Variants in PPP1R12B observed in about 807,000 individuals in gnomAD.
The protein encoded by PPP1R12B is protein phosphatase 1 regulatory subunit 12B.
A neutral mutation model predicts 126.1 loss-of-function variants in PPP1R12B; 76 were observed. That is an observed-to-expected ratio of 0.60 (90% CI 0.50 to 0.73). The LOEUF is 0.73. PPP1R12B is among the 30% of genes least tolerant of loss of function. PPP1R12B has a pLI of 0.00. For missense variants in PPP1R12B, 1,052 were observed against 1,205.1 expected, an observed-to-expected ratio of 0.87 and a Z score of 1.88; for synonymous variants, 356 against 434.7, an observed-to-expected ratio of 0.82 and a Z score of 2.25.
intron 18 of PPP1R12B, among the ~76,000 whole-genome samples, chr1:202,513,432 G>C (rs1348200583): frequency 1.3e-5 from 2 of 152,144 alleles, no homozygotes; most frequent in Non-Finnish European, 2.9e-5. Context: ...GAATATGTTT[G>C]GGGATGAAGA....
chr1:202,532,774 G>GTT (rs935888437), intron 18 of PPP1R12B, among the ~76,000 whole-genome samples: 2 of 124,020 alleles, frequency 1.6e-5, no homozygotes, highest in East Asian at 2.4e-4. Flanking sequence ...AAAAAACTCT[G>GTT]TTTTTTTTTT....
At chr1:202,413,774 A>T (rs1667703674) in intron 1 of PPP1R12B, among the ~76,000 whole-genome samples, 1 of 152,182 alleles carries the variant, frequency 6.6e-6, no homozygotes, top group South Asian at 2.1e-4. Flanking sequence ...GTCTGTATTC[A>T]ATCTGCTGTG....
At position 202,590,989 on chromosome 1, in the gene PPP1R12B, G is replaced by C. The variant is rs1455492418; in HGVS notation, c.*10429G>C. The C allele has an allele frequency of 6.6e-6, 1 of 152,280 alleles. No homozygotes were observed. Among genetic ancestry groups the C allele is most frequent in the Non-Finnish European group, 1.5e-5 (1 of 68,116 alleles). 9.4% of individuals were successfully genotyped at this position (152,280 alleles called of 1,614,324 possible). A position where few individuals can be genotyped will look rare whatever the true frequency, so the allele number is the denominator to read the frequency against. ...GAACTCCTGGTGCCCCATGCACACT[G>C]CTCCCATCACCTCACCAGACAGATG... On this transcript the variant is annotated 3_prime_UTR_variant, in exon 24 of 24. Transcript: ENST00000608999.
chr1:202,526,239 T>G (rs556707992), intron 18 of PPP1R12B, among the ~76,000 whole-genome samples: 1 of 152,190 alleles, frequency 6.6e-6, no homozygotes, highest in Non-Finnish European at 1.5e-5. Context: ...GTGGAAGTTC[T>G]TTTCTGATTG....
chr1:202,418,149 CAG>C (rs1371363667), intron 2 of PPP1R12B, among the ~76,000 whole-genome samples: 1 of 152,244 alleles, frequency 6.6e-6, no homozygotes, highest in African/African-American at 2.4e-5. Flanking sequence ...TGCCTATTTT[CAG>C]AGTCTAACAG....
intron 20 of PPP1R12B, among the ~76,000 whole-genome samples, chr1:202,563,323 C>T (rs971249502): frequency 2.0e-5 from 3 of 152,024 alleles, no homozygotes; most frequent in African/African-American, 7.2e-5. Context: ...CACTATATTG[C>T]CCAGGCTGGT....
chr1:202,439,061 T>G (rs1205643587), intron 10 of PPP1R12B: 70 of 1,393,114 alleles, frequency 5.0e-5, no homozygotes, highest in Non-Finnish European at 7.1e-5. Flanking sequence ...CGCCAACTCC[T>G]ATGACCTTGC....
At chr1:202,516,514 TTC>T (rs1309800388) in intron 18 of PPP1R12B, among the ~76,000 whole-genome samples, 2 of 152,134 alleles carry the variant, frequency 1.3e-5, no homozygotes, top group Non-Finnish European at 2.9e-5. Flanking sequence ...GGATGATATC[TTC>T]TCTTTGTGAC....
chr1:202,415,156 C>T (rs932051891), intron 1 of PPP1R12B, among the ~76,000 whole-genome samples: 1 of 152,122 alleles, frequency 6.6e-6, no homozygotes, highest in African/African-American at 2.4e-5. Flanking sequence ...TCCATTTTCT[C>T]ACACAGAATA....
intron 13 of PPP1R12B, among the ~76,000 whole-genome samples, chr1:202,481,488 GT>G (rs1482280908): frequency 6.6e-6 from 1 of 152,048 alleles, no homozygotes; most frequent in Non-Finnish European, 1.5e-5. Flanking sequence ...TTATGAAAAT[GT>G]AAAACAATGC....
chr1:202,584,424 T>G lies in PPP1R12B; in HGVS notation c.*3864T>G, dbSNP rs190402395. The G allele has an allele frequency of 6.6e-5, 10 of 152,372 alleles. No homozygotes were observed. In the East Asian group the frequency reaches 1.7e-3, roughly 26 times the overall value. 9.4% of individuals were successfully genotyped at this position (152,372 alleles called of 1,614,324 possible). The stretch of plus-strand genomic sequence containing the variant: ...AGGAAGCTAAAACTCAAGTTAATGG[T>G]CTGTGGATCCCACGAAAGTGTGTGT... On this transcript the variant is annotated 3_prime_UTR_variant, in exon 24 of 24. Transcript: ENST00000608999.
intron 13 of PPP1R12B, among the ~76,000 whole-genome samples, chr1:202,450,674 A>G (rs1354794141): frequency 6.6e-6 from 1 of 152,170 alleles, no homozygotes; most frequent in East Asian, 1.9e-4. Flanking sequence ...TTCACTGTAG[A>G]TGTATGGATT....
At chr1:202,566,917 T>G (rs553095537) in intron 21 of PPP1R12B, among the ~76,000 whole-genome samples, 8 of 152,364 alleles carry the variant, frequency 5.3e-5, no homozygotes, top group Admixed American at 5.2e-4. Flanking sequence ...CCAGCAGTTA[T>G]TAAATGTCTA....
At chr1:202,379,797 C>T (rs1661931639) in intron 1 of PPP1R12B, among the ~76,000 whole-genome samples, 1 of 152,134 alleles carries the variant, frequency 6.6e-6, no homozygotes, top group African/African-American at 2.4e-5. Flanking sequence ...GGTTATACAT[C>T]AGAATACTCA....
At chr1:202,474,936 G>T (rs998215910) in intron 13 of PPP1R12B, among the ~76,000 whole-genome samples, 3 of 152,272 alleles carry the variant, frequency 2.0e-5, no homozygotes, top group East Asian at 1.9e-4. Flanking sequence ...GCCAGACTGA[G>T]AATAGACATT....
intron 23 of PPP1R12B, among the ~76,000 whole-genome samples, chr1:202,570,909 A>G (rs1688530196): frequency 6.6e-6 from 1 of 152,200 alleles, no homozygotes; most frequent in Non-Finnish European, 1.5e-5. Flanking sequence ...GAGTTATACC[A>G]TCTGTACTCT....
intron 18 of PPP1R12B, among the ~76,000 whole-genome samples, chr1:202,503,985 A>T (rs1418843139): frequency 6.6e-6 from 1 of 152,032 alleles, no homozygotes; most frequent in African/African-American, 2.4e-5. Context: ...CATCAGAGGG[A>T]TTCTATTAAT....
At chr1:202,524,333 G>C (rs750729086) in intron 18 of PPP1R12B, among the ~76,000 whole-genome samples, 10 of 152,162 alleles carry the variant, frequency 6.6e-5, no homozygotes, top group Non-Finnish European at 1.5e-4. Context: ...AAATGAAGCA[G>C]GTTGGGGAAG....
At chr1:202,447,846 C>T (rs1672468509) in intron 12 of PPP1R12B, among the ~76,000 whole-genome samples, 1 of 152,186 alleles carries the variant, frequency 6.6e-6, no homozygotes, top group East Asian at 1.9e-4. Flanking sequence ...TCTTGTAAGT[C>T]TGAGGAATTT....
Sources: gnomAD v4.1 joint callset for allele counts (sites outside exome capture counted in the v4.1 genomes callset) on GRCh38, gnomAD v4.1.1 for gene constraint, MANE v1.5 for transcripts, NCBI Gene and HGNC (gene_info 2026-07-23, HGNC 2026-07-21) for gene names.